Variants in MED13 observed in about 807,000 individuals in gnomAD.
MED13 encodes mediator of RNA polymerase II transcription subunit 13.
In MED13, 23 loss-of-function variants were observed where a neutral mutation model predicts 225.2. The observed-to-expected ratio is 0.10, with a 90% CI of 0.07 to 0.14. The LOEUF is 0.14. Among genes scored for constraint, MED13 ranks in the 10% least tolerant of loss-of-function variants. MED13 has a pLI of 1.00. For missense variants in MED13, 2,197 were observed against 2,594.5 expected, an observed-to-expected ratio of 0.85 and a Z score of 3.33; for synonymous variants, 942 against 889.2, an observed-to-expected ratio of 1.06 and a Z score of -1.06.
At chr17:61,984,504 G>T in intron 14 of MED13, 137 bp from the exon 15 acceptor site, 1 of 928,518 alleles carries the variant, frequency 1.1e-6, no homozygotes, top group Non-Finnish European at 1.6e-6. Flanking sequence ...TTTCTTAAAT[G>T]CATTCTTAAT....
chr17:61,964,408 C>T (rs573156241), intron 20 of MED13, among the ~76,000 whole-genome samples: 1 of 151,944 alleles, frequency 6.6e-6, no homozygotes, highest in African/African-American at 2.4e-5. Flanking sequence ...CACATCTCTA[C>T]AAAAAAGTAG....
At chr17:61,968,290 C>A (rs759361439) in intron 17 of MED13, 32 bp from the exon 18 acceptor site, 2 of 1,441,716 alleles carry the variant, frequency 1.4e-6, no homozygotes, top group Non-Finnish European at 1.9e-6. Flanking sequence ...TAAGAAAACA[C>A]TTAAAAACAA....
chr17:61,971,113 T>G (rs6504077), intron 17 of MED13, among the ~76,000 whole-genome samples: 2 of 151,830 alleles, frequency 1.3e-5, no homozygotes, highest in Admixed American at 6.6e-5. Context: ...ATAATGGTGG[T>G]AACAATTTGT....
At chr17:62,030,097 A>G in intron 6 of MED13, 84 bp from the exon 7 acceptor site, 1 of 1,198,840 alleles carries the variant, frequency 8.3e-7, no homozygotes, top group Non-Finnish European at 1.1e-6. Context: ...TTAATTTGTG[A>G]TACAAGCTGC....
At chr17:61,975,649 T>G (rs1335981342) in intron 16 of MED13, among the ~76,000 whole-genome samples, 2 of 150,446 alleles carry the variant, frequency 1.3e-5, no homozygotes, top group Non-Finnish European at 3.0e-5. Flanking sequence ...AACCTGGGAG[T>G]TGGTGGTTGC....
At chr17:61,974,330 T>G (rs531582250) in intron 16 of MED13, among the ~76,000 whole-genome samples, 148 of 152,152 alleles carry the variant, frequency 9.7e-4, no homozygotes, top group African/African-American at 3.4e-3. Flanking sequence ...CTTGAACCCA[T>G]GAGGTCAAGG....
At chr17:62,021,536 GCTTT>G (rs1326820150) in intron 8 of MED13, among the ~76,000 whole-genome samples, 9 of 152,358 alleles carry the variant, frequency 5.9e-5, no homozygotes, top group Admixed American at 4.6e-4. Context: ...CGAGCAGCCT[GCTTT>G]CTATGTGCAG....
At chr17:62,034,723 G>GCC (rs1215046581) in intron 4 of MED13, among the ~76,000 whole-genome samples, 2 of 152,120 alleles carry the variant, frequency 1.3e-5, no homozygotes, top group African/African-American at 4.8e-5. Context: ...ACACTGCCAA[G>GCC]CCTTAGAGGC....
chr17:62,016,656 C>T (rs1027430258), intron 8 of MED13, among the ~76,000 whole-genome samples: 1 of 152,164 alleles, frequency 6.6e-6, no homozygotes, highest in Non-Finnish European at 1.5e-5. Flanking sequence ...CCAAATATCA[C>T]TAATGTTTCA....
intron 6 of MED13, 80 bp from the exon 7 acceptor site, chr17:62,030,093 T>C: frequency 2.4e-6 from 3 of 1,243,306 alleles, no homozygotes; most frequent in South Asian, 4.5e-5. Flanking sequence ...TTTATTAATT[T>C]GTGATACAAG....
intron 19 of MED13, 80 bp from the exon 20 acceptor site, chr17:61,965,548 T>C (rs953278689): frequency 1.9e-5 from 26 of 1,340,620 alleles, no homozygotes; most frequent in Non-Finnish European, 2.4e-5. Context: ...GTAAACAGAA[T>C]CATAATCCAG....
intron 28 of MED13, among the ~76,000 whole-genome samples, chr17:61,948,991 G>A (rs1404669566): frequency 6.6e-5 from 10 of 150,586 alleles, no homozygotes; most frequent in Non-Finnish European, 7.4e-5. Flanking sequence ...GGGAGGCTGA[G>A]GCAGGAGAAT....
At chr17:62,036,118 G>T (rs1377850828) in intron 3 of MED13, among the ~76,000 whole-genome samples, 1 of 149,538 alleles carries the variant, frequency 6.7e-6, no homozygotes, top group Non-Finnish European at 1.5e-5. Flanking sequence ...GAAAAAAAAA[G>T]TTTTATTTGG....
chr17:61,982,212 C>A lies in MED13; in HGVS notation c.3791G>T (p.Trp1264Leu), dbSNP rs777781469. 2 of 1,610,484 alleles carry A rather than the reference C, an allele frequency of 1.2e-6. No homozygotes were observed. The highest frequency in any genetic ancestry group is 1.7e-6 in the Non-Finnish European group (2 of 1,178,092). Residue 1264 changes from tryptophan (W) to leucine (L), a missense_variant, in exon 16 of 30, where the codon TGG (tryptophan) becomes TTG (leucine). By Grantham distance (61) the Trp-to-Leu change is moderately conservative. Coordinates refer to ENST00000397786, the MANE Select transcript of MED13 (RefSeq NM_005121.3). ...GCATACTTTACCGTTTCTTTTGGAC[C>A]AGGGGTGTAAGCATGAACTTTTCAC... Reference protein sequence around the residue: ...ALVKSSCLHPWSKRNDVSMQC... With the variant: ...ALVKSSCLHPLSKRNDVSMQC...
intron 9 of MED13, among the ~76,000 whole-genome samples, chr17:61,999,665 C>T (rs2080376974): frequency 6.6e-6 from 1 of 152,074 alleles, no homozygotes; most frequent in Non-Finnish European, 1.5e-5. Context: ...AAAATTGCTA[C>T]ACATGAAAGT....
At chr17:62,055,452 C>A (rs1028439313) in intron 2 of MED13, among the ~76,000 whole-genome samples, 9 of 151,922 alleles carry the variant, frequency 5.9e-5, no homozygotes, top group Non-Finnish European at 2.9e-5. Context: ...TAAATTTTCA[C>A]ATGAAATTCT....
chr17:61,995,018 A>G (rs76912724), intron 10 of MED13, 134 bp downstream of exon 10: 31,134 of 727,050 alleles, frequency 0.043, 857 homozygotes, highest in Non-Finnish European at 0.049. Flanking sequence ...GGCAAAAATA[A>G]GTTTTTCTAA....
At chr17:61,990,397 T>C (rs931106954) in intron 11 of MED13, among the ~76,000 whole-genome samples, 10 of 152,048 alleles carry the variant, frequency 6.6e-5, no homozygotes, top group African/African-American at 2.4e-4. Flanking sequence ...TTCAAGCTTA[T>C]AGTTGTGGGG....
intron 9 of MED13, among the ~76,000 whole-genome samples, chr17:61,997,199 G>A (rs937477331): frequency 2.0e-5 from 3 of 151,960 alleles, no homozygotes; most frequent in African/African-American, 2.4e-5. Flanking sequence ...TTACAAACTC[G>A]GGGCAAAGTA....
Sources: allele counts gnomAD v4.1 joint callset (sites outside exome capture counted in the v4.1 genomes callset), GRCh38; gene constraint gnomAD v4.1.1; transcripts MANE v1.5; gene names NCBI Gene and HGNC (gene_info 2026-07-23, HGNC 2026-07-21).